The following HNRNPUL1 variants were observed in gnomAD, a reference collection of about 807,000 sequenced individuals.
HNRNPUL1 encodes heterogeneous nuclear ribonucleoprotein U like 1.
In HNRNPUL1, 14 loss-of-function variants were observed where a neutral mutation model predicts 108.5. The observed-to-expected ratio is 0.13, with a 90% CI of 0.09 to 0.20. The LOEUF is 0.20. HNRNPUL1 is among the 10% of genes least tolerant of loss of function. The probability of loss-of-function intolerance (pLI) is 1.00; values close to 1 mark genes in which losing one functional copy is unlikely to be tolerated. For missense variants in HNRNPUL1, 804 were observed against 1,168.3 expected, an observed-to-expected ratio of 0.69 and a Z score of 4.55; for synonymous variants, 422 against 445.2, an observed-to-expected ratio of 0.95 and a Z score of 0.66.
chr19:41,266,777 A>G (rs1276713841), intron 1 of HNRNPUL1, among the ~76,000 whole-genome samples: 1 of 152,164 alleles, frequency 6.6e-6, no homozygotes. Context: ...GGAATTGGAT[A>G]CTTGTTCATA....
chr19:41,295,084 C>T (rs747560086), intron 10 of HNRNPUL1, among the ~76,000 whole-genome samples: 9 of 152,188 alleles, frequency 5.9e-5, no homozygotes, highest in Non-Finnish European at 1.3e-4. Flanking sequence ...ATCTCAATAC[C>T]ATCTGCACCC....
chr19:41,306,583 C>G lies in HNRNPUL1; in HGVS notation c.*18C>G. 1 of 1,445,354 alleles carries G rather than the reference C, an allele frequency of 6.9e-7. No individual in the cohort carries two copies. The highest frequency in any genetic ancestry group is 9.2e-7 in the Non-Finnish European group (1 of 1,084,088). 89.5% of individuals were successfully genotyped at this position (1,445,354 alleles called of 1,614,324 possible). A position where few individuals can be genotyped will look rare whatever the true frequency, so the allele number is the denominator to read the frequency against. On this transcript the variant is annotated 3_prime_UTR_variant, in exon 15 of 15. Transcript: ENST00000392006. ...CACAGTAGCCAGTGTGACCCAGAGG[C>G]TCCCGGAGGCCCCTGCCGGCTTCCT...
At chr19:41,288,589 C>T (rs976758613) in intron 7 of HNRNPUL1, among the ~76,000 whole-genome samples, 2 of 152,106 alleles carry the variant, frequency 1.3e-5, no homozygotes, top group East Asian at 1.9e-4. Flanking sequence ...CTTCTTTGTA[C>T]TTTTATATTG....
intron 5 of HNRNPUL1, among the ~76,000 whole-genome samples, chr19:41,277,987 G>A (rs1484570011): frequency 1.3e-5 from 2 of 150,886 alleles, no homozygotes; most frequent in South Asian, 2.1e-4. Context: ...CTGTATCTTG[G>A]ACATTTTTCC....
intron 7 of HNRNPUL1, among the ~76,000 whole-genome samples, chr19:41,288,119 T>C (rs1484304488): frequency 6.6e-6 from 1 of 151,462 alleles, no homozygotes; most frequent in Non-Finnish European, 1.5e-5. Context: ...TAAAGTCTTC[T>C]TTAGACACCC....
chr19:41,300,684 G>C (rs1471902486), intron 10 of HNRNPUL1, among the ~76,000 whole-genome samples: 1 of 152,190 alleles, frequency 6.6e-6, no homozygotes, highest in Admixed American at 6.5e-5. Flanking sequence ...AATGGAAGCC[G>C]ATGTTGTTAC....
chr19:41,300,917 A>G (rs1028785119), intron 10 of HNRNPUL1, among the ~76,000 whole-genome samples: 9 of 152,218 alleles, frequency 5.9e-5, no homozygotes, highest in Non-Finnish European at 1.3e-4. Context: ...ATAAGAACAA[A>G]CTACAAAACT....
intron 6 of HNRNPUL1, 111 bp from the exon 7 acceptor site, chr19:41,281,052 A>C (rs1318446973): frequency 7.0e-6 from 5 of 709,820 alleles, no homozygotes; most frequent in Non-Finnish European, 1.2e-5. Flanking sequence ...CTGATTAATA[A>C]AACTAGTAAA....
chr19:41,278,533 A>G (rs951773096), intron 5 of HNRNPUL1: 1 of 152,762 alleles, frequency 6.5e-6, no homozygotes, highest in Admixed American at 6.5e-5. Context: ...ACACATACGT[A>G]GACATACTTG....
chr19:41,275,211 C>T (rs961479064), intron 4 of HNRNPUL1, among the ~76,000 whole-genome samples: 2 of 152,040 alleles, frequency 1.3e-5, no homozygotes, highest in Non-Finnish European at 1.5e-5. Context: ...GTCCGGTTCC[C>T]AAATTGATAG....
At chr19:41,265,308 G>A (rs1301776500) in intron 1 of HNRNPUL1, 1 of 1,507,044 alleles carries the variant, frequency 6.6e-7, no homozygotes, top group Non-Finnish European at 8.9e-7. Flanking sequence ...CCTGGAATAT[G>A]CCGCTGGATG....
At chr19:41,263,765 C>T (rs1307489569), upstream of HNRNPUL1, among the ~76,000 whole-genome samples, 3 of 152,212 alleles carry the variant, frequency 2.0e-5, no homozygotes, top group Admixed American at 1.3e-4. Flanking sequence ...AATGAGCCAT[C>T]GCTACCAGCT....
Position 41,306,340 on chromosome 19 carries a change from A to C in HNRNPUL1, c.2455-109A>C. The stretch of plus-strand genomic sequence containing the variant: ...TTTCTCTGTCAGGGGACCTGTGTTC[A>C]ACTGTTGTCACTGCAGCTGTCTCTG... On this transcript the variant is annotated intron_variant, in intron 14 of 14. Transcript: ENST00000392006. The C allele has an allele frequency of 4.4e-6, 3 of 688,534 alleles. No individual in the cohort carries two copies. The South Asian group carries it at 6.4e-5, about 15-fold the overall frequency. The allele number at this position is 688,534 out of a possible 1,614,324, so 42.7% of individuals were successfully genotyped here.
At chr19:41,290,547 T>G (rs2036522879) in intron 7 of HNRNPUL1, among the ~76,000 whole-genome samples, 1 of 152,210 alleles carries the variant, frequency 6.6e-6, no homozygotes, top group Admixed American at 6.5e-5. Flanking sequence ...GCCCCTTATT[T>G]CTAGCACAGT....
At chr19:41,301,839 C>G (rs547251773) in intron 11 of HNRNPUL1, 135 bp downstream of exon 11, 1 of 818,712 alleles carries the variant, frequency 1.2e-6, no homozygotes, top group African/African-American at 1.7e-5. Context: ...TCTGCTTTGT[C>G]CCTTCCTTGT....
intron 10 of HNRNPUL1, among the ~76,000 whole-genome samples, chr19:41,297,472 C>T (rs2122887979): frequency 6.6e-6 from 1 of 152,344 alleles, no homozygotes; most frequent in South Asian, 2.1e-4. Flanking sequence ...TAGAAGGCCA[C>T]ATTGCTTCAG....
At chr19:41,274,106 A>G in intron 4 of HNRNPUL1, 51 bp downstream of exon 4, 1 of 1,489,366 alleles carries the variant, frequency 6.7e-7, no homozygotes, top group Non-Finnish European at 9.4e-7. Flanking sequence ...AGTATGGGGA[A>G]ATTGTGGTCT....
At chr19:41,293,055 AGG>A (rs2036683349) in intron 8 of HNRNPUL1, among the ~76,000 whole-genome samples, 2 of 152,120 alleles carry the variant, frequency 1.3e-5, no homozygotes, top group Admixed American at 6.5e-5. Flanking sequence ...TTCTTGAAGG[AGG>A]TTGAGTAAGT....
Position 41,276,085 on chromosome 19 carries a change from AAG to A in HNRNPUL1, c.647-71_647-70del. Reference sequence around the variant, plus strand: ...ACCATTGCACTCCAGCCTGGGCAAAAAGAGTGAAACTCCGTCTCAAGAAAACA... The same window carrying A: ...ACCATTGCACTCCAGCCTGGGCAAAAAGTGAAACTCCGTCTCAAGAAAACA... On this transcript the variant is annotated intron_variant, in intron 4 of 14. Transcript: ENST00000392006. 2.5e-6 allele frequency: 4 copies of A among 1,597,408 alleles called. No individual in the cohort carries two copies. The Admixed American group carries it at 5.0e-5, about 20-fold the overall frequency.
Sources: gnomAD v4.1 joint callset for allele counts (sites outside exome capture counted in the v4.1 genomes callset) on GRCh38, gnomAD v4.1.1 for gene constraint, MANE v1.5 for transcripts, NCBI Gene and HGNC (gene_info 2026-07-23, HGNC 2026-07-21) for gene names.